COA1: variants seen among roughly 807,000 people sequenced by gnomAD.
The protein encoded by COA1 is cytochrome c oxidase assembly factor 1 homolog.
Under a neutral mutation model 16.0 loss-of-function variants are expected in COA1, and 13 were observed. That is an observed-to-expected ratio of 0.81 (90% confidence interval 0.53 to 1.29). The LOEUF (loss-of-function observed/expected upper bound fraction) is 1.29. Among genes scored for constraint, COA1 ranks in the 50% most tolerant of loss-of-function variants. The pLI is 0.00. For missense variants in COA1, 179 were observed against 177.0 expected (o/e 1.01, Z -0.06); for synonymous variants, 65 against 65.7 (o/e 0.99, Z 0.05).
At chr7:43,680,396 A>C (rs925135691) in intron 1 of COA1, among the ~76,000 whole-genome samples, 1 of 152,204 alleles carries the variant, frequency 6.6e-6, no homozygotes, top group Non-Finnish European at 1.5e-5. Flanking sequence ...TAGAGAAAAG[A>C]AACACTTTAT....
chr7:43,676,518 C>T (rs1265992089), intron 1 of COA1, among the ~76,000 whole-genome samples: 1 of 152,174 alleles, frequency 6.6e-6, no homozygotes, highest in African/African-American at 2.4e-5. Context: ...CACATCTTCA[C>T]TCATGTGCAG....
At chr7:43,609,176 G>C (rs2082664128) in exon 7 of COA1, 2 of 152,188 alleles carry the variant, frequency 1.3e-5, no homozygotes. Flanking sequence ...CCAGCATTCA[G>C]CTCTGCCTTC....
chr7:43,726,687 A>C (rs1585623979), intron 1 of COA1, among the ~76,000 whole-genome samples: 1 of 152,300 alleles, frequency 6.6e-6, no homozygotes, highest in South Asian at 2.1e-4. Context: ...TCTAAACCAC[A>C]GCCACATACC....
chr7:43,651,566 C>T (rs1442540757), intron 1 of COA1, among the ~76,000 whole-genome samples: 1 of 151,974 alleles, frequency 6.6e-6, no homozygotes, highest in East Asian at 1.9e-4. Context: ...GAAGCATCAC[C>T]AGGCGGATCA....
intron 1 of COA1, among the ~76,000 whole-genome samples, chr7:43,717,452 GCCAATTTCTCCTA>G (rs2095417543): frequency 6.6e-6 from 1 of 152,116 alleles, no homozygotes; most frequent in Non-Finnish European, 1.5e-5. Flanking sequence ...CTTTGTTTTG[GCCAATTTCTCCTA>G]TTTGGAATGA....
intron 1 of COA1, among the ~76,000 whole-genome samples, chr7:43,698,113 G>A (rs183065505): frequency 6.6e-6 from 1 of 152,218 alleles, no homozygotes; most frequent in Non-Finnish European, 1.5e-5. Flanking sequence ...AATACAGGAT[G>A]AAAGTCCAGA....
At chr7:43,662,561 T>C (rs546346353) in intron 1 of COA1, among the ~76,000 whole-genome samples, 2 of 152,360 alleles carry the variant, frequency 1.3e-5, no homozygotes, top group East Asian at 1.9e-4. Flanking sequence ...TAAAAATATA[T>C]TGCAACAGAT....
chr7:43,614,276 G>A (rs143294698), intron 6 of COA1, among the ~76,000 whole-genome samples: 58 of 152,226 alleles, frequency 3.8e-4, no homozygotes, highest in Non-Finnish European at 6.6e-4. Flanking sequence ...CGGACCGTCT[G>A]CAGGTTTTCT....
chr7:43,690,792 T>C (rs966113930), intron 1 of COA1, among the ~76,000 whole-genome samples: 1 of 152,180 alleles, frequency 6.6e-6, no homozygotes, highest in Non-Finnish European at 1.5e-5. Context: ...ATTGATACAC[T>C]GCCTGTAAGA....
At chr7:43,676,747 T>C (rs2093540186) in intron 1 of COA1, among the ~76,000 whole-genome samples, 1 of 152,086 alleles carries the variant, frequency 6.6e-6, no homozygotes, top group Non-Finnish European at 1.5e-5. Context: ...TGTACACATG[T>C]ATCAAAATAT....
intron 1 of COA1, among the ~76,000 whole-genome samples, chr7:43,694,589 A>G (rs2094473445): frequency 6.6e-6 from 1 of 152,196 alleles, no homozygotes; most frequent in Non-Finnish European, 1.5e-5. Flanking sequence ...TTTCCAAGAC[A>G]CACCACTCAC....
chr7:43,718,643 T>G (rs183049048), intron 1 of COA1, among the ~76,000 whole-genome samples: 26 of 152,320 alleles, frequency 1.7e-4, no homozygotes, highest in Non-Finnish European at 3.1e-4. Context: ...TAGTATGCAT[T>G]GGGAGAGTTG....
rs1584505635 is a variant in COA1 at position 43,655,865 on chromosome 7, G to C, written c.-38-7213C>G. On this transcript the variant is annotated intron_variant, in intron 1 of 5. Coordinates refer to ENST00000223336, the MANE Select transcript of COA1 (RefSeq NM_018224.4). ...TGGCAGTTTGCACTCTGGCACTCTT[G>C]GGAAGCCTAAGCCACTATATAAGAA... 2.6e-5 allele frequency among the ~76,000 whole-genome samples: 4 copies of C among 152,212 alleles called. No individual in the cohort carries two copies. In the South Asian group the frequency reaches 8.3e-4, roughly 32 times the overall value.
At chr7:43,620,934 G>A (rs1286699491) in intron 6 of COA1, among the ~76,000 whole-genome samples, 1 of 152,082 alleles carries the variant, frequency 6.6e-6, no homozygotes, top group Non-Finnish European at 1.5e-5. Context: ...TGTGCCTGAG[G>A]GTAGAAGTGT....
At chr7:43,674,384 CTG>C (rs1231051284) in intron 1 of COA1, among the ~76,000 whole-genome samples, 2 of 152,202 alleles carry the variant, frequency 1.3e-5, no homozygotes, top group African/African-American at 4.8e-5. Flanking sequence ...CAAGTAGAAA[CTG>C]TGTGTTACTT....
chr7:43,702,070 T>C (rs1293729152), intron 1 of COA1, among the ~76,000 whole-genome samples: 1 of 152,138 alleles, frequency 6.6e-6, no homozygotes, highest in Non-Finnish European at 1.5e-5. Flanking sequence ...GTGCAGAAGC[T>C]CCTTACTTTT....
chr7:43,708,078 C>T (rs2095066292), intron 1 of COA1, among the ~76,000 whole-genome samples: 1 of 152,190 alleles, frequency 6.6e-6, no homozygotes, highest in African/African-American at 2.4e-5. Context: ...GTGGCATGCG[C>T]CTGTAATCCC....
intron 3 of COA1, chr7:43,645,781 A>C (rs893967278): frequency 1.2e-5 from 2 of 169,848 alleles, no homozygotes; most frequent in African/African-American, 4.8e-5. Context: ...TGACTTGTTC[A>C]AAGTGACACA....
chr7:43,640,524 C>CA, intron 5 of COA1, 49 bp downstream of exon 5: 1 of 1,302,410 alleles, frequency 7.7e-7, no homozygotes, highest in Non-Finnish European at 1.1e-6. Flanking sequence ...TTGCTTTCAT[C>CA]AGGAAGTCTT....
Sources: allele counts gnomAD v4.1 joint callset (sites outside exome capture counted in the v4.1 genomes callset), GRCh38; gene constraint gnomAD v4.1.1; transcripts MANE v1.5; gene names NCBI Gene and HGNC (gene_info 2026-07-23, HGNC 2026-07-21).